RAD21L1: variants seen among roughly 807,000 people sequenced by gnomAD.
The protein encoded by RAD21L1 is RAD21 cohesin complex component like 1, also known as double-strand-break repair protein rad21-like protein 1.
RAD21L1 carries 47 observed loss-of-function variants against 69.0 expected under a neutral mutation model. The observed-to-expected ratio is 0.68, with a 90% CI of 0.54 to 0.87. The LOEUF (loss-of-function observed/expected upper bound fraction) is 0.87. Among genes scored for constraint, RAD21L1 ranks in the 40% least tolerant of loss-of-function variants. RAD21L1 has a pLI of 0.00. For synonymous variants in RAD21L1, 177 were observed against 205.8 expected, an observed-to-expected ratio of 0.86 and a Z score of 1.20; for missense variants, 583 against 647.6, an observed-to-expected ratio of 0.90 and a Z score of 1.08.
chr20:1,251,163 T>C (rs2087822106), intron 13 of RAD21L1, among the ~76,000 whole-genome samples: 1 of 152,228 alleles, frequency 6.6e-6, no homozygotes, highest in South Asian at 2.1e-4. Flanking sequence ...TGATTGATTG[T>C]CTCTAGATGT....
intron 11 of RAD21L1, among the ~76,000 whole-genome samples, chr20:1,244,585 C>A (rs2087683135): frequency 6.6e-6 from 1 of 152,098 alleles, no homozygotes; most frequent in African/African-American, 2.4e-5. Flanking sequence ...TTAGACCCAC[C>A]AATTCCTTGG....
intron 4 of RAD21L1, among the ~76,000 whole-genome samples, chr20:1,233,722 A>C (rs1235447648): frequency 6.6e-6 from 1 of 152,138 alleles, no homozygotes; most frequent in Non-Finnish European, 1.5e-5. Context: ...ATTCATGGGA[A>C]TCTGCCCTCA....
intron 3 of RAD21L1, among the ~76,000 whole-genome samples, 159 bp from the exon 4 acceptor site, chr20:1,231,363 CTCTG>C (rs1160329343): frequency 5.3e-5 from 8 of 152,286 alleles, no homozygotes; most frequent in African/African-American, 1.9e-4. Context: ...TAAAATATTA[CTCTG>C]TCTGCTTTAT....
chr20:1,232,957 G>C (rs1288101515), intron 4 of RAD21L1, among the ~76,000 whole-genome samples: 1 of 152,164 alleles, frequency 6.6e-6, no homozygotes, highest in Non-Finnish European at 1.5e-5. Context: ...AAAGAGACCT[G>C]TAGGAGTTTT....
chr20:1,243,896 C>T, intron 10 of RAD21L1, 150 bp from the exon 11 acceptor site: 2 of 656,438 alleles, frequency 3.0e-6, no homozygotes, highest in Non-Finnish European at 2.6e-6. Flanking sequence ...ATATGTGAGA[C>T]TTGGGAGCAA....
intron 2 of RAD21L1, 127 bp downstream of exon 2, chr20:1,228,724 A>C (rs2122759691): frequency 1.5e-6 from 1 of 681,900 alleles, no homozygotes; most frequent in South Asian, 2.2e-5. Flanking sequence ...TCTTTCCTTT[A>C]ATTCCTATAG....
rs1284663458 is a variant in RAD21L1, at chr20:1,255,350, T to C, written c.*893T>C. On this transcript the variant is annotated 3_prime_UTR_variant, in exon 14 of 14. Coordinates refer to ENST00000683101, the MANE Select transcript of RAD21L1 (RefSeq NM_001384355.1). ...TTTGTTTGGTGTTTACTGAACATTTTTGACATTAAAACTGTTGTTTTCCTT... is the reference window on the plus strand; with the variant it reads ...TTTGTTTGGTGTTTACTGAACATTTCTGACATTAAAACTGTTGTTTTCCTT... Among the ~76,000 whole-genome samples the C allele has an allele frequency of 6.6e-6, 1 of 152,190 alleles. No homozygotes were observed. The highest frequency in any genetic ancestry group is 1.5e-5 in the Non-Finnish European group (1 of 68,026).
At chr20:1,234,766 T>G (rs2087461143) in intron 5 of RAD21L1, among the ~76,000 whole-genome samples, 1 of 152,180 alleles carries the variant, frequency 6.6e-6, no homozygotes, top group Non-Finnish European at 1.5e-5. Context: ...AATTTTTTTT[T>G]TGACACAGGG....
rs1453278138 is a variant in RAD21L1, at chr20:1,227,220, A to C, written c.-33+1080A>C. 2.0e-5 allele frequency among the ~76,000 whole-genome samples: 3 copies of C among 152,276 alleles called. No homozygotes were observed. In the East Asian group the frequency reaches 5.8e-4, roughly 29 times the overall value. ...GCCACTGCGCCAGGCCAAAAAGTACATTTTAAAAGTACCTCACACCACTGG... is the reference window on the plus strand; with the variant it reads ...GCCACTGCGCCAGGCCAAAAAGTACCTTTTAAAAGTACCTCACACCACTGG... On this transcript the variant is annotated intron_variant, in intron 1 of 13. Coordinates refer to ENST00000683101, the MANE Select transcript of RAD21L1 (RefSeq NM_001384355.1).
At chr20:1,251,167 T>C (rs569198235) in intron 13 of RAD21L1, among the ~76,000 whole-genome samples, 42 of 152,330 alleles carry the variant, frequency 2.8e-4, no homozygotes, top group Middle Eastern at 6.8e-3. Context: ...TGATTGTCTC[T>C]AGATGTAAGT....
Position 1,231,628 on chromosome 20 carries a change from TTTTA to T in RAD21L1, c.368+17_368+20del. ...GACACCCAAAATATGAAGTAAAATA[TTTTA>T]TTTATTTTCCTTCGATTTAATTTTC... On this transcript the variant is annotated intron_variant, in intron 4 of 13. Transcript: ENST00000683101. The T allele has an allele frequency of 7.3e-6, 9 of 1,229,654 alleles. No individual in the cohort carries two copies. Among genetic ancestry groups the T allele is most frequent in the East Asian group, 2.6e-5 (1 of 39,196 alleles). The allele number at this position is 1,229,654 out of a possible 1,614,324, so 76.2% of individuals were successfully genotyped here.
At chr20:1,244,631 CA>C (rs1222325497) in intron 11 of RAD21L1, among the ~76,000 whole-genome samples, 1 of 151,814 alleles carries the variant, frequency 6.6e-6, no homozygotes, top group East Asian at 1.9e-4. Flanking sequence ...GATCTATGAC[CA>C]AAACAAAATT....
Position 1,228,484 on chromosome 20 carries a change from C to T in RAD21L1, c.31C>T (p.Arg11Ter), listed in dbSNP as rs762518164. The change falls in exon 2 of 14, where the codon CGA becomes TGA. Residue 11 changes from arginine to a stop codon, truncating the protein, a stop_gained. Transcript: ENST00000683101. LOFTEE classifies it high-confidence loss of function. ...CTACACACATGTGCTTATGAGTAAA[C>T]GAGGGCCATTGGCCAAAATATGGCT... MFYTHVLMSK[R>*]GPLAKIWLAA... is the part of the protein sequence containing the mutation. 9 of 1,549,586 alleles carry T rather than the reference C, an allele frequency of 5.8e-6. No individual in the cohort carries two copies. The South Asian group carries it at 1.1e-4, about 18-fold the overall frequency.
intron 12 of RAD21L1, 45 bp from the exon 13 acceptor site, chr20:1,248,581 A>G: frequency 8.9e-7 from 1 of 1,125,196 alleles, no homozygotes; most frequent in Non-Finnish European, 1.3e-6. Flanking sequence ...GTCAGCATTT[A>G]GTAAAATTTG....
intron 11 of RAD21L1, among the ~76,000 whole-genome samples, chr20:1,245,555 G>A (rs2087701852): frequency 6.6e-6 from 1 of 152,196 alleles, no homozygotes; most frequent in Non-Finnish European, 1.5e-5. Flanking sequence ...GCTGGGGAAT[G>A]AAGCTTGGAG....
intron 8 of RAD21L1, among the ~76,000 whole-genome samples, chr20:1,242,267 C>G (rs1298522771): frequency 6.6e-6 from 1 of 152,218 alleles, no homozygotes; most frequent in Non-Finnish European, 1.5e-5. Flanking sequence ...GGGTCTTGCT[C>G]TGTTGCCCAG....
intron 1 of RAD21L1, chr20:1,226,494 T>G (rs442262): frequency 0.42 from 63,683 of 152,534 alleles, 14,751 homozygotes; most frequent in African/African-American, 0.62. Flanking sequence ...TCCCAGCCCC[T>G]GCACTTTGCT....
chr20:1,228,747 T>C (rs1045014241), intron 2 of RAD21L1, 150 bp downstream of exon 2: 3 of 616,996 alleles, frequency 4.9e-6, no homozygotes, highest in Non-Finnish European at 8.2e-6. Context: ...TTTAGTGTTA[T>C]AACAAACCTA....
Position 1,246,437 on chromosome 20 carries a change from A to G in RAD21L1, c.1401+132A>G. 1 of 426,028 alleles carries G rather than the reference A, an allele frequency of 2.3e-6. No individual in the cohort carries two copies. Among genetic ancestry groups the G allele is most frequent in the Admixed American group, 4.4e-5 (1 of 22,592 alleles). 26.4% of individuals were successfully genotyped at this position (426,028 alleles called of 1,614,324 possible). ...AAATTTATAATTTAAATTTGTGATT[A>G]CAACAGAGATGTTTGTGAATAGTTT... On this transcript the variant is annotated intron_variant, in intron 12 of 13. Transcript: ENST00000683101. This position sits in a 1 kb window ranked among gnomAD's most constrained non-coding sequence, Gnocchi z 4.6.
Sources: gnomAD v4.1 joint callset for allele counts (sites outside exome capture counted in the v4.1 genomes callset) on GRCh38, gnomAD v4.1.1 for gene constraint, Gnocchi (gnomAD v3.1) non-coding constraint, MANE v1.5 for transcripts, NCBI Gene and HGNC (gene_info 2026-07-23, HGNC 2026-07-21) for gene names.